EML5: variants seen among roughly 807,000 people sequenced by gnomAD.
EML5 encodes EMAP like 5.
Under a neutral mutation model 250.0 loss-of-function variants are expected in EML5, and 120 were observed. The ratio of observed to expected loss-of-function variants is 0.48; its 90% CI spans 0.41 to 0.56. EML5 has a LOEUF of 0.56. Ranked by LOEUF, EML5 falls within the 20% of genes least tolerant of loss-of-function variation. EML5 has a pLI of 0.00. For synonymous variants in EML5, 771 were observed against 806.5 expected (o/e 0.96, Z 0.75); for missense variants, 2,006 against 2,437.6 (o/e 0.82, Z 3.73).
Position 88,705,510 on chromosome 14 carries a change from T to C in EML5, c.1904A>G (p.Gln635Arg). 6.2e-7 allele frequency: 1 copy of C among 1,603,530 alleles called. No individual in the cohort carries two copies. The highest frequency in any genetic ancestry group is 8.5e-7 in the Non-Finnish European group (1 of 1,174,444). ...TCGACGGTAGGTGAGCTGTGTCTCTTGTTCAATTTCAGAATCCAGTTCTGG... is the reference window on the plus strand; with the variant it reads ...TCGACGGTAGGTGAGCTGTGTCTCTCGTTCAATTTCAGAATCCAGTTCTGG... ...DVPELDSEIEQETQLTYRRQV... is the reference protein window; with the variant it reads ...DVPELDSEIERETQLTYRRQV... Residue 635 changes from glutamine to arginine, a missense_variant, in exon 12 of 44, where the codon CAA becomes CGA. Coordinates refer to ENST00000554922, the MANE Select transcript of EML5 (RefSeq NM_183387.3).
rs1159202827 is a variant in EML5, at chr14:88,736,417, A to G, written c.996T>C (p.Ala332=). The G allele has an allele frequency of 6.2e-7, 1 of 1,614,040 alleles. No individual in the cohort carries two copies. The highest frequency in any genetic ancestry group is 1.1e-5 in the South Asian group (1 of 91,088). ...CAGCCAAAGGTTTAGTAGGATGGAC[A>G]GCAAGTGCCCAAAGTTCACCTTCAC... is the stretch of plus-strand genomic sequence containing the variant. The part of the protein sequence containing the change: ...GHCEGELWAL[A]VHPTKPLAVT... The change falls in exon 7 of 44, where the codon GCT becomes GCC. Residue 332 remains alanine, a synonymous_variant. Transcript: ENST00000554922.
At chr14:88,787,964 TA>T (rs886182152) in intron 1 of EML5, among the ~76,000 whole-genome samples, 3 of 152,156 alleles carry the variant, frequency 2.0e-5, no homozygotes, top group Non-Finnish European at 2.9e-5. Context: ...AGGCACTTTT[TA>T]AAAAATAGAT....
chr14:88,694,371 G>T lies in EML5; in HGVS notation c.2475C>A (p.Asn825Lys), dbSNP rs1198926373. Residue 825 changes from asparagine (N) to lysine (K), a missense_variant, in exon 17 of 44, where the codon AAC becomes AAA. By Grantham distance (94) the Asn-to-Lys change is moderately conservative (BLOSUM62 0). Around this residue, in one of 7 missense-constraint regions of EML5, gnomAD observed 1,375 missense variants for 1,590.3 expected, o/e 0.86. Transcript: ENST00000554922. Reference sequence around the variant, plus strand: ...TAATTAGTTTATCAGGCACATAGGGGTTCATCTTTACAACAAAAATCTTAT... The same window carrying T: ...TAATTAGTTTATCAGGCACATAGGGTTTCATCTTTACAACAAAAATCTTAT... ...SKDKIFVVKMNPYVPDKLITA... is the reference protein window; with the variant it reads ...SKDKIFVVKMKPYVPDKLITA... 1 of 1,592,778 alleles carries T rather than the reference G, an allele frequency of 6.3e-7. No homozygotes were observed. Among genetic ancestry groups the T allele is most frequent in the East Asian group, 2.2e-5 (1 of 44,506 alleles).
chr14:88,789,875 A>C (rs560039265), intron 1 of EML5, among the ~76,000 whole-genome samples: 2 of 152,256 alleles, frequency 1.3e-5, no homozygotes, highest in Admixed American at 6.5e-5. Flanking sequence ...TATTTGACCA[A>C]TAAGTTTTAC....
At position 88,616,165 on chromosome 14, in the gene EML5, A is replaced by G; in HGVS notation, c.5874T>C (p.Val1958=). 6.2e-7 allele frequency: 1 copy of G among 1,613,922 alleles called. No homozygotes were observed. ...IRFTSGDRHV[V]SAGGDDCSLF... ...ACCTGCAGTCATCACCTCCAGCACT[A>G]ACAACATGTCGATCACCACTGGTAA... The change falls in exon 43 of 44, where the codon GTT becomes GTC. Residue 1958 remains valine, a synonymous_variant. Transcript: ENST00000554922.
chr14:88,650,794 A>G (rs747601814), intron 27 of EML5, among the ~76,000 whole-genome samples: 38 of 152,008 alleles, frequency 2.5e-4, no homozygotes, highest in Non-Finnish European at 4.7e-4. Context: ...GGCATGTACT[A>G]CCATTCTTGG....
chr14:88,783,646 G>C (rs758108025), intron 1 of EML5, among the ~76,000 whole-genome samples: 1 of 152,126 alleles, frequency 6.6e-6, no homozygotes, highest in Non-Finnish European at 1.5e-5. Context: ...CCCAACACTA[G>C]AGCACTTAGA....
rs557870451 is a variant in EML5, at chr14:88,647,021, A to G, written c.4020-66T>C. 3 of 1,397,532 alleles carry G rather than the reference A, an allele frequency of 2.1e-6. No individual in the cohort carries two copies. In the South Asian group the frequency reaches 3.7e-5, roughly 17 times the overall value. 86.6% of individuals were successfully genotyped at this position (1,397,532 alleles called of 1,614,324 possible). A position where few individuals can be genotyped will look rare whatever the true frequency, so the allele number is the denominator to read the frequency against. On this transcript the variant is annotated intron_variant, in intron 28 of 43. Coordinates refer to ENST00000554922, the MANE Select transcript of EML5 (RefSeq NM_183387.3). ...AAATTTGAATTGAAAACACTAGTGA[A>G]ATACCTCCTGTAATAAAATATTTTA... is the stretch of plus-strand genomic sequence containing the variant.
Position 88,792,382 on chromosome 14 carries a change from GC to G in EML5, c.121del (p.Ala41ArgfsTer36). 6.4e-7 allele frequency: 1 copy of G among 1,572,566 alleles called. No individual in the cohort carries two copies. Among genetic ancestry groups the G allele is most frequent in the Non-Finnish European group, 8.6e-7 (1 of 1,160,998 alleles). On this transcript the variant is annotated frameshift_variant, in exon 1 of 44. Transcript: ENST00000554922. LOFTEE classifies it high-confidence loss of function. The surrounding 1 kb of genome is among the most constrained non-coding windows in gnomAD (Gnocchi z 6.9). Reference sequence around the variant, plus strand: ...CGGGCTGTACACCACGCCGACCCCCGCCACGAAGTATACGATCTCCTTGGCC... The same window carrying G: ...CGGGCTGTACACCACGCCGACCCCCGCACGAAGTATACGATCTCCTTGGCC... Reference protein sequence around the residue: ...TAAKEIVYFVAGVGVVYSPRE... With the variant: ...TAAKEIVYFVXGVGVVYSPRE...
intron 42 of EML5, chr14:88,616,501 G>GT: frequency 1.7e-6 from 1 of 603,530 alleles, no homozygotes; most frequent in Non-Finnish European, 2.9e-6. Flanking sequence ...TATAGGTTTG[G>GT]TGAAAAGCTA....
intron 10 of EML5, among the ~76,000 whole-genome samples, chr14:88,707,556 T>C (rs1398871904): frequency 2.6e-5 from 4 of 152,122 alleles, no homozygotes; most frequent in Admixed American, 2.6e-4. Flanking sequence ...AAACACTTTA[T>C]ATTAAGTTAT....
chr14:88,683,540 T>C (rs1200249978), intron 20 of EML5, among the ~76,000 whole-genome samples: 1 of 152,134 alleles, frequency 6.6e-6, no homozygotes, highest in Non-Finnish European at 1.5e-5. Flanking sequence ...ACAAGAAAAC[T>C]AAATACCAAT....
At chr14:88,633,640 A>T (rs1013654256) in intron 33 of EML5, among the ~76,000 whole-genome samples, 14 of 149,996 alleles carry the variant, frequency 9.3e-5, no homozygotes, top group Non-Finnish European at 2.1e-4. Flanking sequence ...CAAACAGATG[A>T]GTGTCATCTA....
chr14:88,643,548 G>A (rs1332708073), intron 30 of EML5, among the ~76,000 whole-genome samples: 1 of 152,148 alleles, frequency 6.6e-6, no homozygotes, highest in Non-Finnish European at 1.5e-5. Context: ...AGGCACTTGA[G>A]CACCTGTGGA....
At chr14:88,683,994 A>T (rs1403473919) in intron 20 of EML5, among the ~76,000 whole-genome samples, 1 of 152,064 alleles carries the variant, frequency 6.6e-6, no homozygotes, top group Non-Finnish European at 1.5e-5. Context: ...GCAGGCATCC[A>T]GATTGGACAA....
chr14:88,641,287 A>G (rs1419383214), intron 31 of EML5, among the ~76,000 whole-genome samples: 1 of 151,972 alleles, frequency 6.6e-6, no homozygotes, highest in Non-Finnish European at 1.5e-5. Flanking sequence ...TCATACAAAA[A>G]CCTGCCAAAG....
Position 88,665,330 on chromosome 14 carries a change from A to C in EML5, c.3277+7T>G. The C allele has an allele frequency of 6.2e-7, 1 of 1,607,194 alleles. No individual in the cohort carries two copies. Among genetic ancestry groups the C allele is most frequent in the Non-Finnish European group, 8.5e-7 (1 of 1,176,476 alleles). ...TAATACTCAAATACAATTTCAATGG[A>C]TCTTACCAGGTGAAAATCGAATATC... On this transcript the variant is annotated splice_region_variant and intron_variant, in intron 22 of 43. Transcript: ENST00000554922.
At chr14:88,658,075 G>A in intron 26 of EML5, 112 bp downstream of exon 26, 1 of 975,978 alleles carries the variant, frequency 1.0e-6, no homozygotes, top group Non-Finnish European at 1.4e-6. Context: ...ACTAAAAACA[G>A]TACCACTACA....
At chr14:88,740,673 A>G in intron 4 of EML5, 101 bp from the exon 5 acceptor site, 2 of 1,034,048 alleles carry the variant, frequency 1.9e-6, no homozygotes, top group Non-Finnish European at 2.7e-6. Context: ...TGAGCTAAAA[A>G]TTAACTAAGA....
Sources: gnomAD v4.1 joint callset for allele counts (sites outside exome capture counted in the v4.1 genomes callset) on GRCh38, gnomAD v4.1.1 for gene constraint, gnomAD v4.1.1 regional missense constraint, Gnocchi (gnomAD v3.1) non-coding constraint, MANE v1.5 for transcripts, NCBI Gene and HGNC (gene_info 2026-07-23, HGNC 2026-07-21) for gene names.